Variants in PCDH9 observed in about 807,000 individuals in gnomAD.
The protein encoded by PCDH9 is protocadherin 9, also known as protocadherin-9.
In PCDH9, 24 loss-of-function variants were observed where a neutral mutation model predicts 70.6. The ratio of observed to expected loss-of-function variants is 0.34; its 90% CI spans 0.25 to 0.48. The LOEUF (loss-of-function observed/expected upper bound fraction) is 0.48, where lower values mean the gene tolerates loss of function less well. Among genes scored for constraint, PCDH9 ranks in the 20% least tolerant of loss-of-function variants. The pLI is 0.99. For missense variants in PCDH9, 1,281 were observed against 1,503.6 expected, an observed-to-expected ratio of 0.85 and a Z score of 2.45; for synonymous variants, 562 against 558.5, an observed-to-expected ratio of 1.01 and a Z score of -0.09.
intron 3 of PCDH9, among the ~76,000 whole-genome samples, chr13:66,785,225 A>G (rs1456318634): frequency 6.6e-6 from 1 of 152,030 alleles, no homozygotes; most frequent in Non-Finnish European, 1.5e-5. Flanking sequence ...AGGTTTGTCT[A>G]ATGTTTCACT....
chr13:66,798,461 G>A (rs2080278886), intron 3 of PCDH9, among the ~76,000 whole-genome samples: 1 of 152,072 alleles, frequency 6.6e-6, no homozygotes, highest in Admixed American at 6.6e-5. Flanking sequence ...TAATGTTCCA[G>A]AGATAAGTGG....
intron 3 of PCDH9, among the ~76,000 whole-genome samples, chr13:66,728,709 C>A (rs1451791711): frequency 6.6e-6 from 1 of 152,054 alleles, no homozygotes; most frequent in Non-Finnish European, 1.5e-5. Flanking sequence ...GAAACAAAAT[C>A]TTTCTGTAGT....
intron 2 of PCDH9, chr13:67,222,908 A>G (rs193134070): frequency 3.1e-4 from 47 of 152,282 alleles, no homozygotes; most frequent in Non-Finnish European, 4.4e-4. Flanking sequence ...CATTCATAGG[A>G]AATATGCTTC....
At chr13:66,788,378 T>C (rs1268236964) in intron 3 of PCDH9, among the ~76,000 whole-genome samples, 2 of 152,316 alleles carry the variant, frequency 1.3e-5, no homozygotes, top group East Asian at 1.9e-4. Context: ...ATTCAAACCA[T>C]AGCATTAACC....
intron 2 of PCDH9, chr13:66,990,903 C>T (rs1014365913): frequency 7.2e-5 from 11 of 151,952 alleles, no homozygotes; most frequent in Admixed American, 2.6e-4. Context: ...GTCAACAATA[C>T]GCTTATTACA....
intron 4 of PCDH9, among the ~76,000 whole-genome samples, chr13:66,578,150 A>T (rs896449545): frequency 6.6e-6 from 1 of 152,110 alleles, no homozygotes; most frequent in Non-Finnish European, 1.5e-5. Flanking sequence ...ATTTACAAAG[A>T]TACTTGTAAA....
chr13:66,589,436 G>T (rs1249715038), intron 4 of PCDH9, among the ~76,000 whole-genome samples: 1 of 152,072 alleles, frequency 6.6e-6, no homozygotes, highest in Non-Finnish European at 1.5e-5. Context: ...TATTTTATAT[G>T]TAGCAAAACC....
intron 3 of PCDH9, among the ~76,000 whole-genome samples, chr13:66,738,841 T>G (rs1231214386): frequency 1.3e-5 from 2 of 151,048 alleles, no homozygotes; most frequent in Non-Finnish European, 3.0e-5. Context: ...TGGGACTATG[T>G]GAAAAGACCA....
At chr13:67,192,040 C>T (rs553414578) in intron 2 of PCDH9, among the ~76,000 whole-genome samples, 1 of 151,262 alleles carries the variant, frequency 6.6e-6, no homozygotes, top group South Asian at 2.1e-4. Context: ...TGTAATTTGT[C>T]GATTAGTAAA....
intron 2 of PCDH9, among the ~76,000 whole-genome samples, chr13:67,085,028 A>G (rs1388484961): frequency 1.5e-5 from 2 of 130,486 alleles, no homozygotes; most frequent in African/African-American, 5.6e-5. Context: ...ATATATGTAT[A>G]TGTTGCCATT....
intron 4 of PCDH9, among the ~76,000 whole-genome samples, chr13:66,417,362 C>T (rs967560864): frequency 3.3e-5 from 5 of 152,104 alleles, no homozygotes; most frequent in African/African-American, 9.7e-5. Context: ...GGAACTCATT[C>T]TTTTTTATGG....
chr13:66,456,514 A>G (rs540612792), intron 4 of PCDH9, among the ~76,000 whole-genome samples: 4 of 151,946 alleles, frequency 2.6e-5, no homozygotes, highest in East Asian at 1.9e-4. Flanking sequence ...TCCCACCTCA[A>G]CCCCTAAATT....
At chr13:66,550,537 C>T (rs1961438348) in intron 4 of PCDH9, among the ~76,000 whole-genome samples, 1 of 152,126 alleles carries the variant, frequency 6.6e-6, no homozygotes, top group African/African-American at 2.4e-5. Context: ...TCATTCCCTC[C>T]ACCATCTTTC....
At chr13:67,138,937 T>C (rs1398904943) in intron 2 of PCDH9, among the ~76,000 whole-genome samples, 1 of 152,170 alleles carries the variant, frequency 6.6e-6, no homozygotes, top group Non-Finnish European at 1.5e-5. Context: ...GGTAAAATAA[T>C]GTAAAACAAT....
At chr13:66,555,130 T>C (rs1961671713) in intron 4 of PCDH9, among the ~76,000 whole-genome samples, 2 of 140,084 alleles carry the variant, frequency 1.4e-5, no homozygotes, top group African/African-American at 2.6e-5. Flanking sequence ...GAACACGCCA[T>C]TGCACTCCAG....
intron 3 of PCDH9, among the ~76,000 whole-genome samples, chr13:66,670,222 A>G (rs886158396): frequency 6.6e-6 from 1 of 152,212 alleles, no homozygotes; most frequent in Non-Finnish European, 1.5e-5. Flanking sequence ...CACCTAATAG[A>G]ATTCTGCAAC....
chr13:67,148,893 A>T (rs1366597688), intron 2 of PCDH9, among the ~76,000 whole-genome samples: 1 of 152,194 alleles, frequency 6.6e-6, no homozygotes, highest in Non-Finnish European at 1.5e-5. Context: ...TAAGTTTTTG[A>T]TTCCTATGAT....
chr13:67,073,712 A>T (rs889567544), intron 2 of PCDH9, among the ~76,000 whole-genome samples: 14 of 152,082 alleles, frequency 9.2e-5, no homozygotes, highest in Admixed American at 5.9e-4. Flanking sequence ...AATTGATAGC[A>T]TTACTTATGT....
chr13:67,101,240 A>G (rs1219862061), intron 2 of PCDH9, among the ~76,000 whole-genome samples: 1 of 152,240 alleles, frequency 6.6e-6, no homozygotes, highest in Non-Finnish European at 1.5e-5. Flanking sequence ...TTATAAGTCC[A>G]TATTATTTTA....
Sources: allele counts gnomAD v4.1 joint callset (sites outside exome capture counted in the v4.1 genomes callset), GRCh38; gene constraint gnomAD v4.1.1; transcripts MANE v1.5; gene names NCBI Gene and HGNC (gene_info 2026-07-23, HGNC 2026-07-21).